The following CNNM4 variants were observed in gnomAD, a reference collection of about 807,000 sequenced individuals.
CNNM4 encodes the protein cyclin and CBS domain divalent metal cation transport mediator 4, also known as metal transporter CNNM4.
A neutral mutation model predicts 53.7 loss-of-function variants in CNNM4; 32 were observed. The observed-to-expected ratio is 0.60, with a 90% CI of 0.45 to 0.80. The LOEUF is 0.80. Among genes scored for constraint, CNNM4 ranks in the 30% least tolerant of loss-of-function variants. CNNM4 has a pLI of 0.00. For missense variants in CNNM4, 784 were observed against 1,022.0 expected (o/e 0.77, Z 3.17); for synonymous variants, 410 against 440.0 (o/e 0.93, Z 0.85).
chr2:96,797,243 G>A lies in CNNM4; in HGVS notation c.1546+88G>A. 1.1e-5 allele frequency: 17 copies of A among 1,565,484 alleles called. No individual in the cohort carries two copies. The highest frequency in any genetic ancestry group is 1.7e-4 in the Middle Eastern group (1 of 5,976). ...CTAGCTGGAAGGGCCATAGTGCAGG[G>A]ACACAGGAGGCCTAGCATCCAGAGG... On this transcript the variant is annotated intron_variant, in intron 2 of 6. Transcript: ENST00000377075. This position sits in a 1 kb window ranked among gnomAD's most constrained non-coding sequence, Gnocchi z 6.0.
At chr2:96,782,380 C>A (rs1187633482) in intron 1 of CNNM4, among the ~76,000 whole-genome samples, 1 of 148,974 alleles carries the variant, frequency 6.7e-6, no homozygotes, top group Non-Finnish European at 1.5e-5. Flanking sequence ...CCATTGCACT[C>A]TAGCCTGGGC....
intron 1 of CNNM4, among the ~76,000 whole-genome samples, chr2:96,771,713 CAA>C (rs112504695): frequency 1.4e-4 from 17 of 121,164 alleles, no homozygotes; most frequent in Admixed American, 1.7e-4. Flanking sequence ...CACTCCATCT[CAA>C]AAAAAAAAAA....
chr2:96,779,450 A>T (rs1458191950), intron 1 of CNNM4, among the ~76,000 whole-genome samples: 1 of 148,552 alleles, frequency 6.7e-6, no homozygotes, highest in Admixed American at 6.9e-5. Flanking sequence ...CAGAAGTTGC[A>T]GTGAGCTAAG....
intron 1 of CNNM4, among the ~76,000 whole-genome samples, chr2:96,795,491 C>T (rs534694075): frequency 2.0e-5 from 3 of 152,118 alleles, no homozygotes; most frequent in Non-Finnish European, 4.4e-5. Flanking sequence ...TGCAGTACCC[C>T]CCCCCCCATC....
chr2:96,793,664 C>G (rs1001341888), intron 1 of CNNM4, among the ~76,000 whole-genome samples: 4 of 152,194 alleles, frequency 2.6e-5, no homozygotes, highest in African/African-American at 9.7e-5. Context: ...GCTGTTTCCA[C>G]TATAAGAGAG....
chr2:96,765,024 G>GTTTTTTTTTTTTTT (rs1158502593), intron 1 of CNNM4, among the ~76,000 whole-genome samples: 1 of 41,558 alleles, frequency 2.4e-5, no homozygotes, highest in African/African-American at 8.8e-5. Context: ...GTTGGGAATG[G>GTTTTTTTTTTTTTT]TTTTTTTTTT....
At chr2:96,783,732 C>A (rs2078993524) in intron 1 of CNNM4, among the ~76,000 whole-genome samples, 1 of 152,170 alleles carries the variant, frequency 6.6e-6, no homozygotes, top group Non-Finnish European at 1.5e-5. Context: ...TATATTTATA[C>A]ACAAGGATAT....
intron 1 of CNNM4, among the ~76,000 whole-genome samples, chr2:96,776,759 T>A (rs1292328044): frequency 1.4e-5 from 2 of 145,908 alleles, no homozygotes; most frequent in African/African-American, 5.0e-5. Flanking sequence ...ATTACAGGCA[T>A]GAGCCACCAT....
At position 96,786,255 on chromosome 2, in the gene CNNM4, A is replaced by G. The variant is rs183979354; in HGVS notation, c.1403-10757A>G. Among the ~76,000 whole-genome samples, 73 of 151,924 alleles carry G rather than the reference A, an allele frequency of 4.8e-4. No individual in the cohort carries two copies. The East Asian group carries it at 0.011, about 22-fold the overall frequency. Reference sequence around the variant, plus strand: ...AACATGGCGAAACCCCGTCTCTACTAAAAACACAAAAATTAGCCAGGAATG... The same window carrying G: ...AACATGGCGAAACCCCGTCTCTACTGAAAACACAAAAATTAGCCAGGAATG... On this transcript the variant is annotated intron_variant, in intron 1 of 6. Transcript: ENST00000377075.
chr2:96,798,927 C>T, intron 3 of CNNM4, 130 bp from the exon 4 acceptor site: 1 of 905,906 alleles, frequency 1.1e-6, no homozygotes, highest in Non-Finnish European at 1.8e-6. Context: ...AGAACGAGGG[C>T]CGGCCGAGCA....
chr2:96,789,589 C>T (rs2079042805), intron 1 of CNNM4, among the ~76,000 whole-genome samples: 1 of 152,228 alleles, frequency 6.6e-6, no homozygotes, highest in African/African-American at 2.4e-5. Context: ...TGCCAGGAAC[C>T]TTCTTTCTGG....
chr2:96,791,483 AT>A lies in CNNM4; in HGVS notation c.1403-5527del, dbSNP rs370006269. 8.0e-3 allele frequency among the ~76,000 whole-genome samples: 1,221 copies of A among 151,866 alleles called. 11 individuals carry two copies. The highest frequency in any genetic ancestry group is 0.028 in the African/African-American group (1,180 of 41,414). ...TCCGTCTCTACTAAAAATACAAAAA[AT>A]TAGCTGGGTGTGGTGGCGGGCGCCT... On this transcript the variant is annotated intron_variant, in intron 1 of 6. Coordinates refer to ENST00000377075, the MANE Select transcript of CNNM4 (RefSeq NM_020184.4).
chr2:96,771,896 G>A (rs2078873260), intron 1 of CNNM4, among the ~76,000 whole-genome samples: 1 of 152,194 alleles, frequency 6.6e-6, no homozygotes, highest in South Asian at 2.1e-4. Flanking sequence ...CTGCGGGAAG[G>A]TGAGCCCAGA....
At chr2:96,805,877 T>C (rs1172223055) in intron 5 of CNNM4, among the ~76,000 whole-genome samples, 1 of 151,466 alleles carries the variant, frequency 6.6e-6, no homozygotes, top group South Asian at 2.1e-4. Flanking sequence ...ACCATCCGAT[T>C]TCTCAATCTT....
intron 1 of CNNM4, among the ~76,000 whole-genome samples, chr2:96,786,778 C>CAAAAA (rs978560794): frequency 2.5e-5 from 1 of 40,480 alleles, no homozygotes; most frequent in African/African-American, 1.1e-4. Flanking sequence ...GACTCTGTCT[C>CAAAAA]AAAAAAAAAA....
At position 96,761,130 on chromosome 2, in the gene CNNM4, G is replaced by A; in HGVS notation, c.131G>A (p.Gly44Asp). Residue 44 changes from glycine to aspartate, a missense_variant, in exon 1 of 7, where the codon GGC becomes GAC. Gly to Asp is a moderately conservative substitution (Grantham distance 94). Around this residue, in one of 3 missense-constraint regions of CNNM4, gnomAD observed 473 missense variants for 624.6 expected, o/e 0.76. Coordinates refer to ENST00000377075, the MANE Select transcript of CNNM4 (RefSeq NM_020184.4). This position sits in a 1 kb window ranked among gnomAD's most constrained non-coding sequence, Gnocchi z 6.0. ...GARGQGSPQQGTIVGMRLASC... is the reference protein window; with the variant it reads ...GARGQGSPQQDTIVGMRLASC... ...CGGGGCCAGGGCAGCCCCCAGCAGG[G>A]CACGATCGTGGGCATGAGGCTGGCG... 6.3e-7 allele frequency: 1 copy of A among 1,596,316 alleles called. No individual in the cohort carries two copies. Among genetic ancestry groups the A allele is most frequent in the Non-Finnish European group, 8.6e-7 (1 of 1,168,494 alleles).
At chr2:96,770,452 C>T (rs1259791716) in intron 1 of CNNM4, among the ~76,000 whole-genome samples, 1 of 152,190 alleles carries the variant, frequency 6.6e-6, no homozygotes, top group East Asian at 1.9e-4. Context: ...GAAGACATTT[C>T]AGCGGAATTT....
intron 1 of CNNM4, among the ~76,000 whole-genome samples, chr2:96,780,740 G>T (rs1274149024): frequency 6.6e-6 from 1 of 151,642 alleles, no homozygotes; most frequent in African/African-American, 2.4e-5. Context: ...TTATTTGTTT[G>T]TTTGTTTGTT....
chr2:96,807,403 A>C (rs1343576577), intron 5 of CNNM4, among the ~76,000 whole-genome samples: 3 of 152,076 alleles, frequency 2.0e-5, no homozygotes, highest in Non-Finnish European at 2.9e-5. Flanking sequence ...CAGGCGGATC[A>C]CCAGCAGTCA....
Sources: gnomAD v4.1 joint callset for allele counts (sites outside exome capture counted in the v4.1 genomes callset) on GRCh38, gnomAD v4.1.1 for gene constraint, gnomAD v4.1.1 regional missense constraint, Gnocchi (gnomAD v3.1) non-coding constraint, MANE v1.5 for transcripts, NCBI Gene and HGNC (gene_info 2026-07-23, HGNC 2026-07-21) for gene names.